COL5A3: variants seen among roughly 807,000 people sequenced by gnomAD.
The protein encoded by COL5A3 is collagen alpha-3(V) chain.
Under a neutral mutation model 250.0 loss-of-function variants are expected in COL5A3, and 172 were observed. The ratio of observed to expected loss-of-function variants is 0.69; its 90% confidence interval spans 0.61 to 0.78. The LOEUF is 0.78. Ranked by LOEUF, COL5A3 falls within the 30% of genes least tolerant of loss-of-function variation. The pLI, the probability that COL5A3 is intolerant of heterozygous loss-of-function variation, is 0.00. For missense variants in COL5A3, 2,340 were observed against 2,334.4 expected, an observed-to-expected ratio of 1.00 and a Z score of -0.05; for synonymous variants, 937 against 900.4, an observed-to-expected ratio of 1.04 and a Z score of -0.73.
chr19:9,990,809 C>A (rs2087178578), intron 24 of COL5A3, among the ~76,000 whole-genome samples: 1 of 152,158 alleles, frequency 6.6e-6, no homozygotes, highest in Non-Finnish European at 1.5e-5. Context: ...GTGATCCCCC[C>A]ATCTCAGCCT....
intron 4 of COL5A3, 102 bp from the exon 5 acceptor site, chr19:10,004,247 G>A: frequency 1.3e-6 from 1 of 770,454 alleles, no homozygotes; most frequent in Non-Finnish European, 2.2e-6. Flanking sequence ...CTGGCACCAG[G>A]GTGCAATGCT....
At chr19:9,996,792 G>GA in intron 11 of COL5A3, 103 bp from the exon 12 acceptor site, 11 of 687,282 alleles carry the variant, frequency 1.6e-5, no homozygotes, top group Non-Finnish European at 2.3e-5. Context: ...AGAGAGAGAG[G>GA]GAGAGATGGA....
At chr19:10,001,475 A>G in intron 8 of COL5A3, 49 bp downstream of exon 8, 1 of 1,560,844 alleles carries the variant, frequency 6.4e-7, no homozygotes, top group Non-Finnish European at 8.6e-7. Context: ...AAAAATTTTA[A>G]TAGGAATCCC....
chr19:9,969,594 C>G lies in COL5A3; in HGVS notation c.4079G>C (p.Arg1360Pro). ...PPGRVGPEGL[R>P]GIPGPVGEPG... ...ACTCACCACAGGGCCAGGGATCCCTCGAAGACCCTCAGGCCCCACACGTCC... is the reference window on the plus strand; with the variant it reads ...ACTCACCACAGGGCCAGGGATCCCTGGAAGACCCTCAGGCCCCACACGTCC... Residue 1360 changes from arginine (R) to proline (P), a missense_variant, in exon 56 of 67, where the codon CGA becomes CCA. Arg to Pro is a moderately radical substitution (Grantham distance 103). Coordinates refer to ENST00000264828, the MANE Select transcript of COL5A3 (RefSeq NM_015719.4). The G allele has an allele frequency of 6.2e-7, 1 of 1,610,016 alleles. No homozygotes were observed. The highest frequency in any genetic ancestry group is 8.5e-7 in the Non-Finnish European group (1 of 1,178,868).
Position 10,005,564 on chromosome 19 carries a change from AG to A in COL5A3, c.587del (p.Thr196IlefsTer10), listed in dbSNP as rs2087429319. 3.7e-6 allele frequency: 6 copies of A among 1,614,022 alleles called. No individual in the cohort carries two copies. The highest frequency in any genetic ancestry group is 5.1e-6 in the Non-Finnish European group (6 of 1,179,968). On this transcript the variant is annotated frameshift_variant, in exon 4 of 67. Transcript: ENST00000264828. LOFTEE classifies it high-confidence loss of function. ...VLGTQDLGEK[T>X]FEGDIQELLI... ...CCCATCACTGAACTCCTACCTCGAA[AG>A]TCTTTTCCCCAAGGTCCTGGGTCCC...
intron 45 of COL5A3, among the ~76,000 whole-genome samples, chr19:9,975,164 T>C (rs1356769535): frequency 2.0e-5 from 3 of 151,576 alleles, no homozygotes; most frequent in Non-Finnish European, 4.4e-5. Context: ...AACCTCTGCC[T>C]CCTGGGTTCA....
chr19:9,988,833 C>CA (rs67181648), intron 27 of COL5A3, among the ~76,000 whole-genome samples: 4,807 of 39,422 alleles, frequency 0.12, 457 homozygotes, highest in Middle Eastern at 0.17. Flanking sequence ...GACTCTGTCT[C>CA]AAAAAAAAAA....
Position 9,997,402 on chromosome 19 carries a change from G to A in COL5A3, c.1232C>T (p.Pro411Leu). 1.9e-6 allele frequency: 3 copies of A among 1,610,054 alleles called. No homozygotes were observed. Among genetic ancestry groups the A allele is most frequent in the Non-Finnish European group, 2.5e-6 (3 of 1,178,660 alleles). ...ACCAGGGTCGCCAGGGAATCCTGGG[G>A]GGCCGGGAGGGCCTGAGGGGCCAAC... Reference protein sequence around the residue: ...GVVGPSGPPGPPGFPGDPGPP... With the variant: ...GVVGPSGPPGLPGFPGDPGPP... Residue 411 changes from proline (P) to leucine (L), a missense_variant, in exon 11 of 67, where the codon CCC (proline) becomes CTC (leucine). Pro to Leu is a moderately conservative substitution (Grantham distance 98, BLOSUM62 -3). This residue lies in a region of COL5A3 where 1,152 missense variants were observed against 1,146.3 expected (regional missense o/e 1.00). Transcript: ENST00000264828.
intron 29 of COL5A3, 31 bp downstream of exon 29, chr19:9,986,522 C>A (rs779329381): frequency 5.6e-6 from 9 of 1,613,490 alleles, no homozygotes; most frequent in Middle Eastern, 1.6e-4. Context: ...CCCCCAGACC[C>A]ACACCACCCC....
intron 12 of COL5A3, 34 bp downstream of exon 12, chr19:9,996,581 T>C: frequency 1.2e-6 from 2 of 1,613,378 alleles, no homozygotes; most frequent in South Asian, 1.1e-5. Context: ...AGGACTCCAC[T>C]CCCCAAGGCT....
chr19:9,994,735 C>T (rs959119974), intron 16 of COL5A3, among the ~76,000 whole-genome samples: 1 of 150,782 alleles, frequency 6.6e-6, no homozygotes, highest in Non-Finnish European at 1.5e-5. Flanking sequence ...AACACCCAGG[C>T]TATGCGGTAT....
Position 9,991,858 on chromosome 19 carries a change from G to A in COL5A3, c.1894-17C>T. ...TGGAGGACCCTGGGGAGAAAGTGGG[G>A]TTTCAGTGAAGCTAAGAGGGGTCAT... On this transcript the variant is annotated splice_polypyrimidine_tract_variant and intron_variant, in intron 22 of 66. Coordinates refer to ENST00000264828, the MANE Select transcript of COL5A3 (RefSeq NM_015719.4). 6.2e-7 allele frequency: 1 copy of A among 1,607,438 alleles called. No individual in the cohort carries two copies. The highest frequency in any genetic ancestry group is 1.1e-5 in the South Asian group (1 of 89,898).
chr19:9,976,521 G>T (rs1026680543), intron 45 of COL5A3, 37 bp downstream of exon 45: 1 of 1,498,500 alleles, frequency 6.7e-7, no homozygotes, highest in South Asian at 1.3e-5. Context: ...CTCCCTTCAA[G>T]GACCCAGAGA....
chr19:9,981,108 C>T lies in COL5A3; in HGVS notation c.2485G>A (p.Glu829Lys). The T allele has an allele frequency of 6.2e-7, 1 of 1,614,026 alleles. No individual in the cohort carries two copies. The highest frequency in any genetic ancestry group is 8.5e-7 in the Non-Finnish European group (1 of 1,179,948). ...CTTACTGGTGGTCCCCGCTCTCCTTCCAGGCCTGGCTGCCCTGTCTTTCCC... is the reference window on the plus strand; with the variant it reads ...CTTACTGGTGGTCCCCGCTCTCCTTTCAGGCCTGGCTGCCCTGTCTTTCCC... ...KSGKTGQPGL[E>K]GERGPPGSRG... Residue 829 changes from glutamate to lysine, a missense_variant, in exon 33 of 67, where the codon GAA becomes AAA. By Grantham distance (56) the Glu-to-Lys change is moderately conservative (BLOSUM62 1). Coordinates refer to ENST00000264828, the MANE Select transcript of COL5A3 (RefSeq NM_015719.4).
chr19:9,962,840 G>T lies in COL5A3; in HGVS notation c.4830C>A (p.Ser1610Arg). Reference sequence around the variant, plus strand: ...TCACCTTCTTCCCTCGACGGAATGTGCTATACCAGCCTCCAGGCTTTTCCT... The same window carrying T: ...TCACCTTCTTCCCTCGACGGAATGTTCTATACCAGCCTCCAGGCTTTTCCT... ...WSKEKPGGWY[S>R]TFRRGKKFSY... Residue 1610 changes from serine (S) to arginine (R), a missense_variant, in exon 65 of 67, where the codon AGC becomes AGA. Physicochemically the swap from Ser to Arg is moderately radical, Grantham distance 110. Transcript: ENST00000264828. 1 of 1,611,276 alleles carries T rather than the reference G, an allele frequency of 6.2e-7. No homozygotes were observed. Among genetic ancestry groups the T allele is most frequent in the Non-Finnish European group, 8.5e-7 (1 of 1,178,700 alleles).
In COL5A3 at chr19:10,001,828, G is replaced by A. The variant is rs1447592787; in HGVS notation, c.903C>T (p.Thr301=). ...TGGAGGTGACGACCAAAGGCGTGGG[G>A]GTCGGAGGCAGATTTGGAGCTGGAG... ...TETPAPNLPP[T]PTPLVVTSTV... is the part of the protein sequence containing the mutation. Residue 301 remains threonine, a synonymous_variant, in exon 7 of 67, where the codon ACC becomes ACT. Transcript: ENST00000264828. 2 of 1,614,050 alleles carry A rather than the reference G, an allele frequency of 1.2e-6. No individual in the cohort carries two copies. The highest frequency in any genetic ancestry group is 1.7e-6 in the Non-Finnish European group (2 of 1,180,038).
chr19:10,003,785 G>T lies in COL5A3; in HGVS notation c.700-71C>A, dbSNP rs1302015264. The T allele has an allele frequency of 3.8e-6, 6 of 1,590,630 alleles. No individual in the cohort carries two copies. The African/African-American group carries it at 5.4e-5, about 14-fold the overall frequency. On this transcript the variant is annotated intron_variant, in intron 5 of 66. Transcript: ENST00000264828. ...GACCCCATCATTCAGGTCACCTGGG[G>T]TGAGGCTGGCTCATGGCCCGTGGGT...
In COL5A3 at chr19:9,968,717, G is replaced by T; in HGVS notation, c.4164C>A (p.Gly1388=). The T allele has an allele frequency of 6.2e-7, 1 of 1,606,034 alleles. No homozygotes were observed. The highest frequency in any genetic ancestry group is 8.5e-7 in the Non-Finnish European group (1 of 1,177,450). The change falls in exon 58 of 67, where the codon GGC becomes GGA. Residue 1388 remains glycine, a synonymous_variant. Transcript: ENST00000264828. This position sits in a 1 kb window ranked among gnomAD's most constrained non-coding sequence, Gnocchi z 4.1. ...MGPPGPLGPS[G]LPGLKGDTGP... is the part of the protein sequence containing the mutation. The stretch of plus-strand genomic sequence containing the variant: ...CAGTGTCTCCCTTCAGCCCTGGGAG[G>T]CCAGAGGGCCCCTGGGAGAAGAGCA...
rs201260325 is a variant in COL5A3 at position 9,978,244 on chromosome 19, C to T, written c.3018+330G>A. Among the ~76,000 whole-genome samples the T allele has an allele frequency of 2.0e-4, 31 of 152,104 alleles. No homozygotes were observed. The East Asian group carries it at 4.1e-3, about 20-fold the overall frequency. ...TATTTTACAGACAAGGAAACTGAGG[C>T]TTGCCAAGGAATACAACGGCCCAGC... On this transcript the variant is annotated intron_variant, in intron 41 of 66. Coordinates refer to ENST00000264828, the MANE Select transcript of COL5A3 (RefSeq NM_015719.4).
Sources: allele counts gnomAD v4.1 joint callset (sites outside exome capture counted in the v4.1 genomes callset), GRCh38; gene constraint gnomAD v4.1.1; regional missense constraint gnomAD v4.1.1; non-coding constraint Gnocchi (gnomAD v3.1); transcripts MANE v1.5; gene names NCBI Gene and HGNC (gene_info 2026-07-23, HGNC 2026-07-21).